Variants in CHMP3 observed in about 807,000 individuals in gnomAD.
CHMP3 encodes charged multivesicular body protein 3.
Under a neutral mutation model 27.4 loss-of-function variants are expected in CHMP3, and 8 were observed. The observed-to-expected ratio is 0.29, with a 90% CI of 0.17 to 0.53. The LOEUF (loss-of-function observed/expected upper bound fraction) is 0.53. CHMP3 is among the 20% of genes least tolerant of loss of function. CHMP3 has a pLI of 0.96. For synonymous variants in CHMP3, 86 were observed against 85.5 expected, an observed-to-expected ratio of 1.01 and a Z score of -0.03; for missense variants, 208 against 271.5, an observed-to-expected ratio of 0.77 and a Z score of 1.64.
chr2:86,556,079 C>T (rs1237081882), intron 1 of CHMP3, among the ~76,000 whole-genome samples: 1 of 152,110 alleles, frequency 6.6e-6, no homozygotes, highest in Non-Finnish European at 1.5e-5. Flanking sequence ...TACAGAAATA[C>T]ATAAAATCAA....
chr2:86,537,766 T>C (rs1676206384), intron 2 of CHMP3, among the ~76,000 whole-genome samples: 1 of 152,196 alleles, frequency 6.6e-6, no homozygotes, highest in Non-Finnish European at 1.5e-5. Flanking sequence ...CACAGTGACT[T>C]CTACATTCCC....
rs911237858 is a variant in CHMP3, at chr2:86,529,238, A to G, written c.266T>C (p.Met89Thr). The G allele has an allele frequency of 5.0e-6, 8 of 1,608,958 alleles. No individual in the cohort carries two copies. Among genetic ancestry groups the G allele is most frequent in the Non-Finnish European group, 5.9e-6 (7 of 1,178,216 alleles). ...CTTACCGAGCTGGTTCTTCATCCCC[A>G]TGAGCACTGAGTTCATGTGTGCTTT... ...ASKAHMNSVL[M>T]GMKNQLAVLR... Residue 89 changes from methionine (M) to threonine (T), a missense_variant, in exon 3 of 6, where the codon ATG becomes ACG. Around this residue, in one of 3 missense-constraint regions of CHMP3, gnomAD observed 94 missense variants for 159.6 expected, o/e 0.59. Transcript: ENST00000263856.
intron 3 of CHMP3, among the ~76,000 whole-genome samples, chr2:86,521,734 G>A (rs72932358): frequency 0.18 from 27,741 of 152,100 alleles, 3,124 homozygotes; most frequent in African/African-American, 0.31. Context: ...TTCAAGATTC[G>A]TCCATATTGT....
chr2:86,560,197 G>A lies in CHMP3; in HGVS notation c.45+3107C>T, dbSNP rs531204324. 1.8e-4 allele frequency among the ~76,000 whole-genome samples: 27 copies of A among 152,216 alleles called. No homozygotes were observed. The South Asian group carries it at 2.9e-3, about 16-fold the overall frequency. ...GGAGAATCCCTTGAACCCAGGAGGCGGAGGTTGCAGTGAGCTGAGATCGCG... is the reference window on the plus strand; with the variant it reads ...GGAGAATCCCTTGAACCCAGGAGGCAGAGGTTGCAGTGAGCTGAGATCGCG... On this transcript the variant is annotated intron_variant, in intron 1 of 5. Coordinates refer to ENST00000263856, the MANE Select transcript of CHMP3 (RefSeq NM_016079.4).
intron 1 of CHMP3, among the ~76,000 whole-genome samples, chr2:86,545,625 G>T (rs1676555080): frequency 6.7e-6 from 1 of 148,758 alleles, no homozygotes; most frequent in Non-Finnish European, 1.5e-5. Flanking sequence ...AGATGGGGTG[G>T]CCGGGCAGAG....
At chr2:86,557,987 T>C (rs1363289365) in intron 1 of CHMP3, among the ~76,000 whole-genome samples, 1 of 152,138 alleles carries the variant, frequency 6.6e-6, no homozygotes, top group Admixed American at 6.5e-5. Context: ...CATCTCCCTT[T>C]CTCATTTTCT....
intron 3 of CHMP3, among the ~76,000 whole-genome samples, chr2:86,524,560 G>A (rs1558648983): frequency 1.3e-5 from 2 of 152,088 alleles, no homozygotes. Flanking sequence ...AATTAATCTA[G>A]AGGTTAAAGT....
rs199633699 is a variant in CHMP3 at position 86,507,546 on chromosome 2, G to A, written c.456C>T (p.Asp152=). The A allele has an allele frequency of 1.8e-5, 29 of 1,613,950 alleles. No individual in the cohort carries two copies. Among genetic ancestry groups the A allele is most frequent in the East Asian group, 6.7e-5 (3 of 44,884 alleles). Residue 152 remains aspartate (D), a synonymous_variant, in exon 5 of 6, where the codon GAC becomes GAT. Transcript: ENST00000263856. Reference sequence around the variant, plus strand: ...CTTCTTCCTCCATTTCTTCCTGATCGTCCATGCTTTCAAAAGTGTCCTCTA... The same window carrying A: ...CTTCTTCCTCCATTTCTTCCTGATCATCCATGCTTTCAAAAGTGTCCTCTA... ...EMLEDTFESM[D]DQEEMEEEAE... is the part of the protein sequence containing the mutation.
chr2:86,536,649 A>G (rs1052068948), intron 2 of CHMP3, among the ~76,000 whole-genome samples: 47 of 152,274 alleles, frequency 3.1e-4, no homozygotes, highest in African/African-American at 1.0e-3. Flanking sequence ...ATGGCTTTCT[A>G]CAGTTTGATT....
chr2:86,550,529 TATTGAA>T (rs749041847), intron 1 of CHMP3, among the ~76,000 whole-genome samples: 72 of 152,208 alleles, frequency 4.7e-4, no homozygotes, highest in Non-Finnish European at 8.7e-4. Context: ...TATTTATCTA[TATTGAA>T]ATTAAGAATT....
At chr2:86,545,939 C>T (rs1676578418) in intron 1 of CHMP3, among the ~76,000 whole-genome samples, 1 of 152,158 alleles carries the variant, frequency 6.6e-6, no homozygotes, top group Admixed American at 6.5e-5. Flanking sequence ...GGCAGAGACA[C>T]TCCTCACTTC....
chr2:86,531,269 A>G (rs1675907894), intron 2 of CHMP3, among the ~76,000 whole-genome samples: 1 of 152,150 alleles, frequency 6.6e-6, no homozygotes, highest in Admixed American at 6.5e-5. Context: ...ACAGCCTCCC[A>G]AAGTGCTGGA....
intron 2 of CHMP3, among the ~76,000 whole-genome samples, chr2:86,529,994 C>A (rs909806321): frequency 2.0e-5 from 3 of 149,082 alleles, no homozygotes; most frequent in Admixed American, 2.0e-4. Context: ...ACCCCGAACT[C>A]TTTTTTTTTT....
chr2:86,561,046 GGACACA>G (rs1249097934), intron 1 of CHMP3, among the ~76,000 whole-genome samples: 1 of 152,082 alleles, frequency 6.6e-6, no homozygotes, highest in Non-Finnish European at 1.5e-5. Flanking sequence ...GATTTGGCGG[GGACACA>G]GATCCAAACC....
intron 1 of CHMP3, chr2:86,561,768 A>G (rs2104076615): frequency 1.3e-5 from 2 of 152,364 alleles, no homozygotes; most frequent in South Asian, 4.1e-4. Context: ...TTAGCAATTT[A>G]TCATTTAAAA....
intron 2 of CHMP3, among the ~76,000 whole-genome samples, chr2:86,534,709 A>C (rs995110818): frequency 6.6e-6 from 1 of 152,186 alleles, no homozygotes; most frequent in African/African-American, 2.4e-5. Flanking sequence ...TAATTAATAT[A>C]TAATGTCCTT....
chr2:86,535,157 GA>G (rs1676077698), intron 2 of CHMP3, among the ~76,000 whole-genome samples: 2 of 151,512 alleles, frequency 1.3e-5, no homozygotes, highest in African/African-American at 4.9e-5. Context: ...TTGGCAGGCT[GA>G]GATGGGAGGA....
At chr2:86,543,191 T>C (rs1418662306) in intron 1 of CHMP3, among the ~76,000 whole-genome samples, 1 of 152,226 alleles carries the variant, frequency 6.6e-6, no homozygotes, top group Non-Finnish European at 1.5e-5. Flanking sequence ...CAGTCATCCA[T>C]GGACATACAG....
rs1490249367 is a variant in CHMP3 at position 86,542,317 on chromosome 2, G to A, written c.46-5C>T. On this transcript the variant is annotated splice_region_variant and splice_polypyrimidine_tract_variant and intron_variant, in intron 1 of 5. Transcript: ENST00000263856. ...CTTCAATGACCACTCATTGACCTGG[G>A]AAAATTTTTAGAAAAGGAATGAGGA... The A allele has an allele frequency of 6.8e-6, 11 of 1,612,914 alleles. No individual in the cohort carries two copies. The highest frequency in any genetic ancestry group is 9.3e-6 in the Non-Finnish European group (11 of 1,179,370).
Sources: allele counts gnomAD v4.1 joint callset (sites outside exome capture counted in the v4.1 genomes callset), GRCh38; gene constraint gnomAD v4.1.1; regional missense constraint gnomAD v4.1.1; transcripts MANE v1.5; gene names NCBI Gene and HGNC (gene_info 2026-07-23, HGNC 2026-07-21).